Variants in KIF16B observed in about 807,000 individuals in gnomAD.
The protein encoded by KIF16B is kinesin family member 16B.
KIF16B carries 98 observed loss-of-function variants against 156.3 expected under a neutral mutation model. The observed-to-expected ratio is 0.63, with a 90% confidence interval of 0.53 to 0.74. The LOEUF (loss-of-function observed/expected upper bound fraction) is 0.74. KIF16B is among the 30% of genes least tolerant of loss of function. KIF16B has a pLI of 0.00. For synonymous variants in KIF16B, 564 were observed against 583.7 expected, an observed-to-expected ratio of 0.97 and a Z score of 0.49; for missense variants, 1,421 against 1,606.5, an observed-to-expected ratio of 0.88 and a Z score of 1.97.
chr20:16,480,954 A>G (rs2067965959), intron 12 of KIF16B, among the ~76,000 whole-genome samples: 1 of 152,216 alleles, frequency 6.6e-6, no homozygotes, highest in African/African-American at 2.4e-5. Context: ...TCCAAGTTAT[A>G]TGAACCATTT....
intron 17 of KIF16B, among the ~76,000 whole-genome samples, chr20:16,400,917 TAATGTC>T (rs1402139818): frequency 1.3e-5 from 2 of 152,178 alleles, no homozygotes; most frequent in Non-Finnish European, 2.9e-5. Flanking sequence ...GGTTGCACAG[TAATGTC>T]AATGCACTTC....
intron 25 of KIF16B, among the ~76,000 whole-genome samples, chr20:16,285,586 G>A (rs1029380531): frequency 1.1e-4 from 16 of 152,214 alleles, no homozygotes; most frequent in Admixed American, 1.3e-4. Flanking sequence ...GGAGGCTGAG[G>A]TAGGTGGATC....
chr20:16,314,483 T>C (rs1208095669), intron 24 of KIF16B, among the ~76,000 whole-genome samples: 1 of 152,166 alleles, frequency 6.6e-6, no homozygotes, highest in Non-Finnish European at 1.5e-5. Context: ...TTCTCACCAA[T>C]GTTTAGTTGG....
At chr20:16,467,479 A>G (rs1327927165) in intron 12 of KIF16B, among the ~76,000 whole-genome samples, 1 of 152,234 alleles carries the variant, frequency 6.6e-6, no homozygotes, top group Non-Finnish European at 1.5e-5. Flanking sequence ...GGTTGGAATT[A>G]TCAACCAGGG....
chr20:16,481,588 G>C (rs1210443197), intron 12 of KIF16B, among the ~76,000 whole-genome samples: 1 of 152,198 alleles, frequency 6.6e-6, no homozygotes, highest in Non-Finnish European at 1.5e-5. Flanking sequence ...AAATTCTGTT[G>C]CTTGACTTCC....
chr20:16,300,516 T>C (rs1157760935), intron 25 of KIF16B, among the ~76,000 whole-genome samples: 1 of 151,832 alleles, frequency 6.6e-6, no homozygotes, highest in Non-Finnish European at 1.5e-5. Flanking sequence ...TTTATTTTTA[T>C]TTTTTTAAGC....
chr20:16,493,214 T>C (rs976879883), intron 12 of KIF16B, among the ~76,000 whole-genome samples: 97 of 152,150 alleles, frequency 6.4e-4, no homozygotes, highest in African/African-American at 2.3e-3. Flanking sequence ...CCTACCACCA[T>C]CTAAACTTAA....
intron 1 of KIF16B, among the ~76,000 whole-genome samples, chr20:16,553,381 GCTTT>G (rs1175090923): frequency 2.0e-5 from 3 of 152,136 alleles, no homozygotes; most frequent in South Asian, 2.1e-4. Context: ...AACTTGTGAG[GCTTT>G]CTTTGTTTCT....
chr20:16,573,443 G>T lies in KIF16B; in HGVS notation c.-168C>A. ...CGGCAGCCCCACCTGCCAGGCCACTGAGCATGCCCAGAACGGCTCCGGCCC... is the reference window on the plus strand; with the variant it reads ...CGGCAGCCCCACCTGCCAGGCCACTTAGCATGCCCAGAACGGCTCCGGCCC... On this transcript the variant is annotated 5_prime_UTR_variant, in exon 1 of 26. Coordinates refer to ENST00000354981, the MANE Select transcript of KIF16B (RefSeq NM_024704.5). 1 of 712,792 alleles carries T rather than the reference G, an allele frequency of 1.4e-6. No individual in the cohort carries two copies. Among genetic ancestry groups the T allele is most frequent in the Non-Finnish European group, 2.3e-6 (1 of 433,124 alleles). The allele number at this position is 712,792 out of a possible 1,614,324, so 44.2% of individuals were successfully genotyped here. A position where few individuals can be genotyped will look rare whatever the true frequency, so the allele number is the denominator to read the frequency against.
chr20:16,469,387 ATG>A (rs1260482909), intron 12 of KIF16B, among the ~76,000 whole-genome samples: 2 of 145,420 alleles, frequency 1.4e-5, no homozygotes, highest in Non-Finnish European at 3.0e-5. Context: ...TCTACATAAC[ATG>A]TGGATCAAAG....
At chr20:16,413,293 A>G (rs2146325943) in intron 15 of KIF16B, among the ~76,000 whole-genome samples, 1 of 152,250 alleles carries the variant, frequency 6.6e-6, no homozygotes, top group South Asian at 2.1e-4. Context: ...TTGTGAAAGC[A>G]TAGACAAAGA....
intron 23 of KIF16B, among the ~76,000 whole-genome samples, chr20:16,346,032 T>A (rs959806570): frequency 1.3e-5 from 2 of 152,138 alleles, no homozygotes; most frequent in Non-Finnish European, 2.9e-5. Context: ...TCAGCAGCCA[T>A]CCAGGGACAC....
chr20:16,490,078 C>T (rs1027416407), intron 12 of KIF16B, among the ~76,000 whole-genome samples: 6 of 152,160 alleles, frequency 3.9e-5, no homozygotes, highest in African/African-American at 1.4e-4. Flanking sequence ...TTGTATGGCT[C>T]AGGGCTGTTG....
intron 5 of KIF16B, among the ~76,000 whole-genome samples, chr20:16,512,499 T>C (rs1486077429): frequency 3.3e-5 from 5 of 152,202 alleles, no homozygotes; most frequent in African/African-American, 1.2e-4. Flanking sequence ...ATATAAACCT[T>C]ACTAAGCTAA....
intron 25 of KIF16B, among the ~76,000 whole-genome samples, chr20:16,276,867 CT>C (rs1273016398): frequency 3.3e-5 from 5 of 152,202 alleles, no homozygotes; most frequent in African/African-American, 9.7e-5. Flanking sequence ...AATTAGTTAT[CT>C]TTTTTTGAAT....
chr20:16,349,360 T>C (rs1337641859), intron 23 of KIF16B, among the ~76,000 whole-genome samples: 3 of 152,192 alleles, frequency 2.0e-5, no homozygotes, highest in African/African-American at 4.8e-5. Flanking sequence ...AGTTGGACTC[T>C]GAGCATCCCT....
chr20:16,496,460 CAT>C (rs1406335798), intron 11 of KIF16B, among the ~76,000 whole-genome samples: 2 of 152,170 alleles, frequency 1.3e-5, no homozygotes, highest in African/African-American at 2.4e-5. Flanking sequence ...AGAATGCAAA[CAT>C]GTGCTACTAC....
intron 12 of KIF16B, among the ~76,000 whole-genome samples, chr20:16,489,523 C>A (rs2068222555): frequency 6.6e-6 from 1 of 152,016 alleles, no homozygotes; most frequent in African/African-American, 2.4e-5. Context: ...GTGGTAAAAC[C>A]CCATCTTTAT....
intron 24 of KIF16B, among the ~76,000 whole-genome samples, chr20:16,327,041 A>C (rs558982043): frequency 2.1e-5 from 3 of 142,850 alleles, no homozygotes; most frequent in Non-Finnish European, 1.5e-5. Flanking sequence ...ACACACACAC[A>C]TATATATGTA....
Sources: allele counts gnomAD v4.1 joint callset (sites outside exome capture counted in the v4.1 genomes callset), GRCh38; gene constraint gnomAD v4.1.1; transcripts MANE v1.5; gene names NCBI Gene and HGNC (gene_info 2026-07-23, HGNC 2026-07-21).